RGS3: variants seen among roughly 807,000 people sequenced by gnomAD.
RGS3 encodes the protein regulator of G protein signaling 3.
RGS3 carries 80 observed loss-of-function variants against 132.6 expected under a neutral mutation model. The observed-to-expected ratio is 0.60, with a 90% CI of 0.50 to 0.73. The LOEUF (loss-of-function observed/expected upper bound fraction) is 0.73. Among genes scored for constraint, RGS3 ranks in the 30% least tolerant of loss-of-function variants. RGS3 has a pLI of 0.00. For synonymous variants in RGS3, 598 were observed against 620.6 expected (o/e 0.96, Z 0.54); for missense variants, 1,382 against 1,530.8 (o/e 0.90, Z 1.62).
At chr9:113,554,506 C>T (rs919236795) in intron 19 of RGS3, among the ~76,000 whole-genome samples, 63 of 152,178 alleles carry the variant, frequency 4.1e-4, no homozygotes, top group African/African-American at 1.5e-3. Context: ...GGGGTTTCAC[C>T]ATGTTGGCCA....
intron 19 of RGS3, among the ~76,000 whole-genome samples, chr9:113,542,707 G>A (rs2118671154): frequency 6.6e-6 from 1 of 152,346 alleles, no homozygotes; most frequent in East Asian, 1.9e-4. Flanking sequence ...AGTTCTAGGA[G>A]TGTTCCTGGA....
At chr9:113,529,431 C>T (rs1360632762) in intron 18 of RGS3, among the ~76,000 whole-genome samples, 167 bp downstream of exon 16, 3 of 152,150 alleles carry the variant, frequency 2.0e-5, no homozygotes, top group Non-Finnish European at 4.4e-5. Flanking sequence ...TAGAATGGGA[C>T]TAGCCATTCC....
chr9:113,566,896 C>T (rs1834036434), intron 19 of RGS3, among the ~76,000 whole-genome samples: 1 of 152,226 alleles, frequency 6.6e-6, no homozygotes, highest in Non-Finnish European at 1.5e-5. Context: ...ACCAAGGCCC[C>T]TTGAGTCCTC....
At chr9:113,541,331 T>A in intron 19 of RGS3, 1 of 1,613,428 alleles carries the variant, frequency 6.2e-7, no homozygotes, top group Non-Finnish European at 8.5e-7. Context: ...AACTCCACCC[T>A]TTCGGCTCTC....
chr9:113,574,850 G>A (rs987132523), intron 19 of RGS3, among the ~76,000 whole-genome samples: 2 of 152,204 alleles, frequency 1.3e-5, no homozygotes, highest in African/African-American at 4.8e-5. Flanking sequence ...GCCCCAGGGG[G>A]CCTGGAGTTC....
chr9:113,536,398 A>T, intron 18 of RGS3: 1 of 762,310 alleles, frequency 1.3e-6, no homozygotes, highest in Non-Finnish European at 1.6e-6. Context: ...GGAGGTGGGG[A>T]GGGTTCCTGG....
rs77585803 is a variant in RGS3, at chr9:113,523,182, G to A, written c.1870+141G>A. 315 of 625,834 alleles carry A rather than the reference G, an allele frequency of 5.0e-4. No homozygotes were observed. The African/African-American group carries it at 5.3e-3, about 11-fold the overall frequency. The allele number at this position is 625,834 out of a possible 1,614,324, so 38.8% of individuals were successfully genotyped here. A position where few individuals can be genotyped will look rare whatever the true frequency, so the allele number is the denominator to read the frequency against. ...GCTGGGCTCTGTCCATGGGCTAGTA[G>A]GTCTCAGACACTGGCATTCTTTCTA... On this transcript the variant is annotated intron_variant, in intron 17 of 24. Coordinates refer to ENST00000350696, the Ensembl canonical transcript of RGS3.
At chr9:113,583,319 T>C (rs1440140518) in intron 19 of RGS3, 131 bp from the exon 18 acceptor site, 2 of 1,441,038 alleles carry the variant, frequency 1.4e-6, no homozygotes, top group Non-Finnish European at 1.8e-6. Context: ...GGGTTCCATC[T>C]GGCACCTCAG....
chr9:113,578,961 A>T (rs1834659358), intron 19 of RGS3, among the ~76,000 whole-genome samples: 2 of 152,190 alleles, frequency 1.3e-5, no homozygotes, highest in South Asian at 4.1e-4. Context: ...TCACACAGCT[A>T]GCAAATGATG....
chr9:113,489,384 G>A (rs1404609330), intron 7 of RGS3, among the ~76,000 whole-genome samples: 1 of 152,192 alleles, frequency 6.6e-6, no homozygotes, highest in South Asian at 2.1e-4. Context: ...GCAAGCTGAC[G>A]CCAAGTCCAG....
chr9:113,522,051 T>C (rs534480788), intron 16 of RGS3, among the ~76,000 whole-genome samples: 4 of 152,354 alleles, frequency 2.6e-5, no homozygotes, highest in Admixed American at 1.3e-4. Context: ...AGTGTAATCT[T>C]TAGTGGCATT....
chr9:113,577,137 T>C (rs1834569431), intron 19 of RGS3, among the ~76,000 whole-genome samples: 1 of 152,050 alleles, frequency 6.6e-6, no homozygotes, highest in Admixed American at 6.5e-5. Context: ...GTGCGCGCCA[T>C]GTTGCCTGGC....
chr9:113,472,530 G>T (rs1031510566), intron 3 of RGS3, among the ~76,000 whole-genome samples: 1 of 152,152 alleles, frequency 6.6e-6, no homozygotes, highest in East Asian at 1.9e-4. Context: ...AAAAGACCAT[G>T]CGTTGTGTGA....
intron 18 of RGS3, 72 bp from the exon 17 acceptor site, chr9:113,536,724 G>A: frequency 1.3e-6 from 2 of 1,575,354 alleles, no homozygotes; most frequent in Non-Finnish European, 8.7e-7. Flanking sequence ...CCAGGGATGG[G>A]CTTGGGCCTG....
chr9:113,596,889 G>A, exon 25 of RGS3: 1 of 1,613,776 alleles, frequency 6.2e-7, no homozygotes, highest in Middle Eastern at 1.7e-4. Context: ...TCGTACCCTC[G>A]CTTTCTCCGT....
chr9:113,528,486 A>G (rs781125319), intron 17 of RGS3, among the ~76,000 whole-genome samples: 8 of 152,210 alleles, frequency 5.3e-5, no homozygotes, highest in Non-Finnish European at 8.8e-5. Context: ...AGCTTTTCCC[A>G]GAAGCTGGGT....
upstream of RGS3, among the ~76,000 whole-genome samples, chr9:113,458,327 C>T (rs1448897554): frequency 1.3e-5 from 2 of 152,224 alleles, no homozygotes; most frequent in East Asian, 3.8e-4. Context: ...ATCCTTAGCT[C>T]ACCTGTTGTA....
At chr9:113,478,542 C>A (rs151310720) in intron 3 of RGS3, among the ~76,000 whole-genome samples, 2,290 of 152,228 alleles carry the variant, frequency 0.015, 62 homozygotes, top group African/African-American at 0.052. Context: ...GGCGTGGTGG[C>A]TCATACCTGT....
chr9:113,501,524 C>G (rs896741708), intron 10 of RGS3: 11 of 1,534,160 alleles, frequency 7.2e-6, no homozygotes, highest in African/African-American at 2.7e-5. Context: ...GCTCCCGCTG[C>G]TGGGGGAGAG....
Sources: allele counts gnomAD v4.1 joint callset (sites outside exome capture counted in the v4.1 genomes callset), GRCh38; gene constraint gnomAD v4.1.1; transcripts MANE v1.5; gene names NCBI Gene and HGNC (gene_info 2026-07-23, HGNC 2026-07-21).